ZNF839: variants seen among roughly 807,000 people sequenced by gnomAD.
ZNF839 encodes zinc finger protein 839, also known as renal carcinoma antigen NY-REN-50.
Under a neutral mutation model 56.4 loss-of-function variants are expected in ZNF839, and 38 were observed. The ratio of observed to expected loss-of-function variants is 0.67; its 90% CI spans 0.52 to 0.88. The LOEUF is 0.88. ZNF839 is among the 40% of genes least tolerant of loss of function. The pLI is 0.00. For missense variants in ZNF839, 1,091 were observed against 1,177.6 expected, an observed-to-expected ratio of 0.93 and a Z score of 1.08; for synonymous variants, 486 against 493.5, an observed-to-expected ratio of 0.98 and a Z score of 0.20.
At chr14:102,327,018 A>T in intron 2 of ZNF839, 131 bp downstream of exon 2, 1 of 1,094,550 alleles carries the variant, frequency 9.1e-7, no homozygotes. Flanking sequence ...TACAGGAAGC[A>T]TGGTGCTGGC....
chr14:102,341,872 G>A lies in ZNF839; in HGVS notation c.2477G>A (p.Gly826Asp). The A allele has an allele frequency of 1.9e-6, 3 of 1,614,044 alleles. No homozygotes were observed. The highest frequency in any genetic ancestry group is 2.5e-6 in the Non-Finnish European group (3 of 1,179,902). The change falls in exon 8 of 8, where the codon GGC becomes GAC. Residue 826 changes from glycine to aspartate, a missense_variant. Coordinates refer to ENST00000442396, the MANE Select transcript of ZNF839 (RefSeq NM_018335.6). ...GTGCCCAAGCCAGGGCCTCAGCCTG[G>A]CCCACATGGATCACTATTGACTGAA... ...RTVPKPGPQP[G>D]PHGSLLTEGC...
At chr14:102,322,884 G>T (rs1025132744) in intron 1 of ZNF839, among the ~76,000 whole-genome samples, 2 of 152,222 alleles carry the variant, frequency 1.3e-5, no homozygotes, top group Non-Finnish European at 2.9e-5. Flanking sequence ...GTTCTTGAAG[G>T]ATATGCGCAG....
chr14:102,320,736 A>G (rs926604521), intron 1 of ZNF839, among the ~76,000 whole-genome samples: 5 of 152,166 alleles, frequency 3.3e-5, no homozygotes, highest in African/African-American at 1.2e-4. Flanking sequence ...CACTCTGTAT[A>G]CTACAAAACA....
chr14:102,335,856 C>T lies in ZNF839; in HGVS notation c.1659+18C>T. 6.2e-7 allele frequency: 1 copy of T among 1,607,748 alleles called. No individual in the cohort carries two copies. The highest frequency in any genetic ancestry group is 8.5e-7 in the Non-Finnish European group (1 of 1,179,400). ...ATGATAAGGTAACAATCTCCCATGG[C>T]AGAAAGAGTTTTGCTCATAGAGTTA... On this transcript the variant is annotated intron_variant, in intron 5 of 7. Transcript: ENST00000442396.
At chr14:102,335,495 C>A in intron 4 of ZNF839, 194 bp from the exon 5 acceptor site, 1 of 569,236 alleles carries the variant, frequency 1.8e-6, no homozygotes, top group Non-Finnish European at 3.0e-6. Context: ...TTGGCCTGCT[C>A]CTCCCATGCC....
chr14:102,338,766 G>A, intron 5 of ZNF839, 50 bp from the exon 6 acceptor site: 3 of 1,610,174 alleles, frequency 1.9e-6, no homozygotes, highest in East Asian at 2.2e-5. Flanking sequence ...TGCTTCTGGG[G>A]GTGTGTGCTG....
chr14:102,330,371 T>C (rs551955742), intron 2 of ZNF839, among the ~76,000 whole-genome samples: 1 of 151,728 alleles, frequency 6.6e-6, no homozygotes. Context: ...TAGCTGAGAT[T>C]ACAGGCATCT....
chr14:102,333,343 C>T (rs1597725809), intron 3 of ZNF839, among the ~76,000 whole-genome samples: 1 of 148,592 alleles, frequency 6.7e-6, no homozygotes, highest in East Asian at 1.9e-4. Context: ...ACTGCAGCCT[C>T]CACCTCCCAG....
At position 102,326,805 on chromosome 14, in the gene ZNF839, T is replaced by C; in HGVS notation, c.1109T>C (p.Leu370Pro). ...TEERTLSLTS[L>P]GLSMPADPCE... ...GAAAGGACGCTCAGCCTGACCTCCC[T>C]GGGGCTGTCCATGCCAGCGGATCCA... Residue 370 changes from leucine (L) to proline (P), a missense_variant, in exon 2 of 8, where the codon CTG becomes CCG. By Grantham distance (98) the Leu-to-Pro change is moderately conservative (BLOSUM62 -3). Around this residue, in one of 3 missense-constraint regions of ZNF839, gnomAD observed 614 missense variants for 629.2 expected, o/e 0.98. Coordinates refer to ENST00000442396, the MANE Select transcript of ZNF839 (RefSeq NM_018335.6). This position sits in a 1 kb window ranked among gnomAD's most constrained non-coding sequence, Gnocchi z 4.3. 6.2e-7 allele frequency: 1 copy of C among 1,611,952 alleles called. No homozygotes were observed. Among genetic ancestry groups the C allele is most frequent in the African/African-American group, 1.3e-5 (1 of 75,000 alleles).
chr14:102,326,338 G>T lies in ZNF839; in HGVS notation c.642G>T (p.Pro214=). Residue 214 remains proline (P), a synonymous_variant, in exon 2 of 8, where the codon CCG becomes CCT. Transcript: ENST00000442396. The surrounding 1 kb of genome is among the most constrained non-coding windows in gnomAD (Gnocchi z 4.3). ...SMLTPLSASD[P]LAVTSLSSSS... ...TGACCCCTTTGTCTGCCTCTGACCC[G>T]CTGGCAGTAACATCTCTTTCATCCA... The T allele has an allele frequency of 6.2e-7, 1 of 1,609,264 alleles. No individual in the cohort carries two copies. Among genetic ancestry groups the T allele is most frequent in the Non-Finnish European group, 8.5e-7 (1 of 1,177,678 alleles).
intron 2 of ZNF839, among the ~76,000 whole-genome samples, chr14:102,327,415 A>G (rs2073475760): frequency 6.6e-6 from 1 of 152,150 alleles, no homozygotes; most frequent in African/African-American, 2.4e-5. Flanking sequence ...TGCTGAGAGT[A>G]CAGGTGTGAG....
rs370680612 is a variant in ZNF839, at chr14:102,341,867, G to T, written c.2472G>T (p.Gln824His). 1.9e-6 allele frequency: 3 copies of T among 1,614,050 alleles called. No homozygotes were observed. The highest frequency in any genetic ancestry group is 1.7e-6 in the Non-Finnish European group (2 of 1,179,902). ...AYRTVPKPGP[Q>H]PGPHGSLLTE... ...GGACTGTGCCCAAGCCAGGGCCTCA[G>T]CCTGGCCCACATGGATCACTATTGA... The change falls in exon 8 of 8, where the codon CAG becomes CAT. Residue 824 changes from glutamine to histidine, a missense_variant. Physicochemically the swap from Gln to His is conservative, Grantham distance 24. Coordinates refer to ENST00000442396, the MANE Select transcript of ZNF839 (RefSeq NM_018335.6).
At position 102,342,335 on chromosome 14, in the gene ZNF839, A is replaced by G; in HGVS notation, c.*156A>G. On this transcript the variant is annotated 3_prime_UTR_variant, in exon 8 of 8. Transcript: ENST00000442396. ...TCTAATGTGAATATTGCACAGATGA[A>G]CCTTTTATTTATAAAGAATAATGTC... 1.2e-6 allele frequency: 1 copy of G among 841,864 alleles called. No individual in the cohort carries two copies. The highest frequency in any genetic ancestry group is 1.8e-6 in the Non-Finnish European group (1 of 563,766). The allele number at this position is 841,864 out of a possible 1,614,324, so 52.1% of individuals were successfully genotyped here.
chr14:102,329,708 T>C (rs1597720784), intron 2 of ZNF839, among the ~76,000 whole-genome samples: 2 of 116,276 alleles, frequency 1.7e-5, no homozygotes, highest in African/African-American at 7.5e-5. Flanking sequence ...CTAATATTTG[T>C]GTGTGTGTGT....
At chr14:102,325,556 G>A (rs2073365973) in intron 1 of ZNF839, among the ~76,000 whole-genome samples, 1 of 151,820 alleles carries the variant, frequency 6.6e-6, no homozygotes. Flanking sequence ...GGAGTGCAGT[G>A]GTGCGATCTC....
upstream of ZNF839, chr14:102,319,617 G>A: frequency 8.8e-7 from 1 of 1,136,750 alleles, no homozygotes; most frequent in Non-Finnish European, 1.1e-6. This position sits in a 1 kb window ranked among gnomAD's most constrained non-coding sequence, Gnocchi z 4.5. Context: ...GGCTGGGGCG[G>A]GGCACTCCAC....
Position 102,341,362 on chromosome 14 carries a change from C to T in ZNF839, c.1967C>T (p.Ser656Phe). The part of the protein sequence containing the change: ...PPVNVTVSPR[S>F]EESHTTTVSG... ...GTAAATGTGACTGTCTCTCCCCGTT[C>T]TGAAGAAAGCCATACAACGACGGTT... The change falls in exon 8 of 8, where the codon TCT (serine) becomes TTT (phenylalanine). Residue 656 changes from serine (S) to phenylalanine (F), a missense_variant. By Grantham distance (155) the Ser-to-Phe change is radical. This residue lies in a region of ZNF839 where 431 missense variants were observed against 468.0 expected (regional missense o/e 0.92). Coordinates refer to ENST00000442396, the MANE Select transcript of ZNF839 (RefSeq NM_018335.6). The T allele has an allele frequency of 6.5e-7, 1 of 1,531,052 alleles. No individual in the cohort carries two copies. Among genetic ancestry groups the T allele is most frequent in the Non-Finnish European group, 8.8e-7 (1 of 1,141,750 alleles). The allele number at this position is 1,531,052 out of a possible 1,614,324, so 94.8% of individuals were successfully genotyped here.
intron 4 of ZNF839, 117 bp from the exon 5 acceptor site, chr14:102,335,572 C>T (rs2073978576): frequency 9.6e-7 from 1 of 1,043,488 alleles, no homozygotes; most frequent in Non-Finnish European, 1.4e-6. Flanking sequence ...AGGAAACGCA[C>T]ACCACTGAGG....
chr14:102,328,713 G>A (rs887651836), intron 2 of ZNF839, among the ~76,000 whole-genome samples: 2 of 151,972 alleles, frequency 1.3e-5, no homozygotes, highest in East Asian at 1.9e-4. Flanking sequence ...TCTAATTTCC[G>A]TATAGAAGTG....
Sources: gnomAD v4.1 joint callset for allele counts (sites outside exome capture counted in the v4.1 genomes callset) on GRCh38, gnomAD v4.1.1 for gene constraint, gnomAD v4.1.1 regional missense constraint, Gnocchi (gnomAD v3.1) non-coding constraint, MANE v1.5 for transcripts, NCBI Gene and HGNC (gene_info 2026-07-23, HGNC 2026-07-21) for gene names.